OPCML: variants seen among roughly 807,000 people sequenced by gnomAD.
The protein encoded by OPCML is opioid binding protein/cell adhesion molecule like.
A neutral mutation model predicts 37.8 loss-of-function variants in OPCML; 13 were observed. That is an observed-to-expected ratio of 0.34 (90% CI 0.22 to 0.55). The LOEUF is 0.55. OPCML is among the 20% of genes least tolerant of loss of function. The pLI is 0.91. For synonymous variants in OPCML, 176 were observed against 168.8 expected (o/e 1.04, Z -0.33); for missense variants, 341 against 435.6 (o/e 0.78, Z 1.93).
intron 1 of OPCML, chr11:133,300,231 T>G (rs905039908): frequency 6.6e-6 from 1 of 152,104 alleles, no homozygotes; most frequent in Non-Finnish European, 1.5e-5. Context: ...AAGAGAGTTT[T>G]CAAGTAAATA....
intron 2 of OPCML, among the ~76,000 whole-genome samples, chr11:132,767,544 C>T (rs544727625): frequency 6.6e-6 from 1 of 152,332 alleles, no homozygotes; most frequent in South Asian, 2.1e-4. Context: ...TGGGGACTGA[C>T]TTCCATAGTG....
intron 1 of OPCML, among the ~76,000 whole-genome samples, chr11:133,009,897 A>G (rs527470361): frequency 2.0e-5 from 3 of 152,302 alleles, no homozygotes; most frequent in South Asian, 2.1e-4. Context: ...GACCCCTGGG[A>G]TATCTACTGT....
intron 1 of OPCML, among the ~76,000 whole-genome samples, chr11:133,320,617 T>G (rs1481651476): frequency 6.6e-6 from 1 of 152,224 alleles, no homozygotes; most frequent in African/African-American, 2.4e-5. Context: ...TTTTTGCCAA[T>G]CCTGGAAAGC....
intron 1 of OPCML, among the ~76,000 whole-genome samples, chr11:133,084,978 C>A (rs1010001262): frequency 6.6e-6 from 1 of 152,208 alleles, no homozygotes; most frequent in African/African-American, 2.4e-5. Context: ...AAAGATTAAA[C>A]CATGTATTAT....
rs569440845 is a variant in OPCML, at chr11:132,737,146, A to G, written c.147-79827T>C. On this transcript the variant is annotated intron_variant, in intron 2 of 7. Coordinates refer to ENST00000524381, the MANE Select transcript of OPCML (RefSeq NM_001012393.5). ...AAAAGAACAGACTGCCTAGTCTCCAAATTCTTCCGTAACTACAGGTTAGTG... is the reference window on the plus strand; with the variant it reads ...AAAAGAACAGACTGCCTAGTCTCCAGATTCTTCCGTAACTACAGGTTAGTG... Among the ~76,000 whole-genome samples the G allele has an allele frequency of 5.8e-4, 88 of 152,288 alleles. 2 individuals carry two copies. In the Middle Eastern group the frequency reaches 0.014, roughly 24 times the overall value.
intron 2 of OPCML, among the ~76,000 whole-genome samples, chr11:132,767,321 G>A (rs1026804728): frequency 2.6e-5 from 4 of 152,192 alleles, no homozygotes; most frequent in East Asian, 3.8e-4. Flanking sequence ...GCATGCTCAC[G>A]TGTGTTAGTA....
At chr11:133,080,781 C>T (rs1948702642) in intron 1 of OPCML, among the ~76,000 whole-genome samples, 1 of 152,134 alleles carries the variant, frequency 6.6e-6, no homozygotes, top group Non-Finnish European at 1.5e-5. Context: ...TGCTTCCATC[C>T]TTTAAACACC....
chr11:132,777,226 C>A (rs1035331101), intron 2 of OPCML, among the ~76,000 whole-genome samples: 2 of 152,242 alleles, frequency 1.3e-5, no homozygotes, highest in African/African-American at 4.8e-5. Flanking sequence ...ATCCAACTTA[C>A]TTGCTCATTC....
intron 3 of OPCML, among the ~76,000 whole-genome samples, chr11:132,572,035 A>T (rs2096439835): frequency 6.6e-6 from 1 of 150,952 alleles, no homozygotes; most frequent in Non-Finnish European, 1.5e-5. Flanking sequence ...ACCTCTTTTC[A>T]TGTATCTGTT....
At chr11:133,045,325 T>C (rs1947986210) in intron 1 of OPCML, among the ~76,000 whole-genome samples, 1 of 152,200 alleles carries the variant, frequency 6.6e-6, no homozygotes, top group South Asian at 2.1e-4. Flanking sequence ...GGGCCTCCTC[T>C]ATGGTCTTCG....
chr11:132,718,889 C>T (rs1045360119), intron 2 of OPCML, among the ~76,000 whole-genome samples: 3 of 152,232 alleles, frequency 2.0e-5, no homozygotes, highest in African/African-American at 7.2e-5. Context: ...AGATGAGCAT[C>T]TGAGCACGTT....
At chr11:132,732,924 T>C (rs1945128493) in intron 2 of OPCML, among the ~76,000 whole-genome samples, 1 of 152,042 alleles carries the variant, frequency 6.6e-6, no homozygotes, top group African/African-American at 2.4e-5. Context: ...GACACAGAAG[T>C]AGTAGTATTA....
intron 2 of OPCML, among the ~76,000 whole-genome samples, chr11:132,735,451 C>A (rs978025678): frequency 6.6e-6 from 1 of 152,154 alleles, no homozygotes; most frequent in African/African-American, 2.4e-5. Flanking sequence ...GTAATACTCA[C>A]AAGGGACCTA....
At chr11:133,336,551 G>A (rs1943748430) in intron 1 of OPCML, among the ~76,000 whole-genome samples, 1 of 152,182 alleles carries the variant, frequency 6.6e-6, no homozygotes, top group East Asian at 1.9e-4. Context: ...ATAGGATTGA[G>A]AAATTTAAAT....
intron 2 of OPCML, among the ~76,000 whole-genome samples, chr11:132,688,620 T>A (rs1943263026): frequency 6.6e-6 from 1 of 152,194 alleles, no homozygotes; most frequent in Non-Finnish European, 1.5e-5. Flanking sequence ...TGGTACTGGA[T>A]AACCTTACAT....
chr11:132,989,995 A>G lies in OPCML; in HGVS notation c.62-46985T>C, dbSNP rs560581523. Among the ~76,000 whole-genome samples the G allele has an allele frequency of 2.6e-5, 4 of 152,266 alleles. No homozygotes were observed. The South Asian group carries it at 8.3e-4, about 32-fold the overall frequency. ...AGAAGGATCAACATCATGCAAGGGT[A>G]TGTGTGGATTAGAAGGGCTGAAGTT... On this transcript the variant is annotated intron_variant, in intron 1 of 7. Coordinates refer to ENST00000524381, the MANE Select transcript of OPCML (RefSeq NM_001012393.5).
intron 1 of OPCML, among the ~76,000 whole-genome samples, chr11:133,342,355 A>T (rs1024374094): frequency 6.6e-6 from 1 of 152,170 alleles, no homozygotes; most frequent in Non-Finnish European, 1.5e-5. Context: ...CGCGCCCCGC[A>T]CTCATGGTTA....
intron 1 of OPCML, among the ~76,000 whole-genome samples, chr11:133,123,116 T>G (rs928225115): frequency 6.6e-6 from 1 of 152,210 alleles, no homozygotes; most frequent in East Asian, 1.9e-4. Context: ...GCATACACTG[T>G]GACAACCCCA....
At chr11:133,149,054 C>T (rs1354926175) in intron 1 of OPCML, among the ~76,000 whole-genome samples, 1 of 152,142 alleles carries the variant, frequency 6.6e-6, no homozygotes, top group African/African-American at 2.4e-5. Flanking sequence ...CCTTGAACAC[C>T]ACACTTCACC....
Sources: allele counts gnomAD v4.1 joint callset (sites outside exome capture counted in the v4.1 genomes callset), GRCh38; gene constraint gnomAD v4.1.1; transcripts MANE v1.5; gene names NCBI Gene and HGNC (gene_info 2026-07-23, HGNC 2026-07-21).